Variants in FRMD4A observed in about 807,000 individuals in gnomAD.
FRMD4A encodes the protein FERM domain containing 4A, also known as FERM domain-containing protein 4A.
FRMD4A carries 29 observed loss-of-function variants against 129.1 expected under a neutral mutation model. The observed-to-expected ratio is 0.22, with a 90% CI of 0.17 to 0.31. The LOEUF (loss-of-function observed/expected upper bound fraction) is 0.31. Among genes scored for constraint, FRMD4A ranks in the 10% least tolerant of loss-of-function variants. The pLI is 1.00. For synonymous variants in FRMD4A, 634 were observed against 571.6 expected, an observed-to-expected ratio of 1.11 and a Z score of -1.56; for missense variants, 1,272 against 1,375.8, an observed-to-expected ratio of 0.92 and a Z score of 1.19.
At chr10:14,296,086 G>A (rs1048373202) in intron 2 of FRMD4A, among the ~76,000 whole-genome samples, 3 of 151,686 alleles carry the variant, frequency 2.0e-5, no homozygotes, top group South Asian at 2.1e-4. Context: ...CTCGCCTGGC[G>A]ACGGGGGGTC....
chr10:14,094,286 G>A (rs537143095), intron 2 of FRMD4A, among the ~76,000 whole-genome samples: 10 of 152,342 alleles, frequency 6.6e-5, no homozygotes, highest in African/African-American at 1.2e-4. Context: ...TAGAGAAAGG[G>A]TGCGTGGAAT....
intron 24 of FRMD4A, chr10:13,649,769 G>C (rs941142259): frequency 1.3e-5 from 2 of 152,174 alleles, no homozygotes; most frequent in African/African-American, 4.8e-5. Context: ...CAATTTTCCG[G>C]TAGTAGTCAA....
intron 2 of FRMD4A, among the ~76,000 whole-genome samples, chr10:14,003,113 C>T (rs765809987): frequency 3.3e-5 from 5 of 151,950 alleles, no homozygotes; most frequent in African/African-American, 7.3e-5. Context: ...CAGCACAGAG[C>T]GTGAATTGAG....
intron 2 of FRMD4A, among the ~76,000 whole-genome samples, chr10:13,929,165 C>T (rs1226536888): frequency 1.3e-5 from 2 of 152,206 alleles, no homozygotes; most frequent in Non-Finnish European, 2.9e-5. Flanking sequence ...TTAAATTAAG[C>T]TGCCACTTGA....
intron 2 of FRMD4A, among the ~76,000 whole-genome samples, chr10:14,110,305 C>G (rs2131793121): frequency 6.6e-6 from 1 of 150,584 alleles, no homozygotes; most frequent in African/African-American, 2.4e-5. Flanking sequence ...TTTAGAAGAT[C>G]AAATAAGGAG....
rs1001252244 is a variant in FRMD4A at position 14,232,250 on chromosome 10, CT to C, written c.45+97807del. ...AGATTGGATGGTTGTACATTTGCAG[CT>C]TTTTTTCTTGGTTCTGTATCCTGTT... On this transcript the variant is annotated intron_variant, in intron 2 of 24. Coordinates refer to ENST00000357447, the MANE Select transcript of FRMD4A (RefSeq NM_018027.5). 9.2e-5 allele frequency among the ~76,000 whole-genome samples: 14 copies of C among 152,208 alleles called. No individual in the cohort carries two copies. The South Asian group carries it at 2.7e-3, about 29-fold the overall frequency.
intron 2 of FRMD4A, among the ~76,000 whole-genome samples, chr10:14,149,075 A>G (rs1262758054): frequency 6.6e-6 from 1 of 152,208 alleles, no homozygotes; most frequent in Non-Finnish European, 1.5e-5. Flanking sequence ...ACCCATAAAC[A>G]TCATGAATGA....
chr10:14,302,937 A>G (rs921188874), intron 2 of FRMD4A, among the ~76,000 whole-genome samples: 1 of 152,202 alleles, frequency 6.6e-6, no homozygotes, highest in Non-Finnish European at 1.5e-5. Context: ...CTCTTCAGAA[A>G]AAAATGACTT....
At chr10:14,054,522 C>T (rs117692888) in intron 2 of FRMD4A, among the ~76,000 whole-genome samples, 3,831 of 152,232 alleles carry the variant, frequency 0.025, 77 homozygotes, top group Non-Finnish European at 0.039. Flanking sequence ...AATTTCTCTA[C>T]GAGTGTGGAT....
At chr10:13,814,989 G>T (rs1048038011) in intron 3 of FRMD4A, among the ~76,000 whole-genome samples, 3 of 152,084 alleles carry the variant, frequency 2.0e-5, no homozygotes, top group African/African-American at 7.2e-5. Context: ...AGAAATGGAG[G>T]CTTGGGGTTA....
At chr10:13,756,880 A>C (rs1044893578) in intron 8 of FRMD4A, among the ~76,000 whole-genome samples, 14 of 152,192 alleles carry the variant, frequency 9.2e-5, no homozygotes, top group Admixed American at 5.2e-4. Flanking sequence ...TTAAATTAGA[A>C]TATAACTAGA....
chr10:13,880,871 T>C (rs916950343), intron 2 of FRMD4A, among the ~76,000 whole-genome samples: 1 of 152,068 alleles, frequency 6.6e-6, no homozygotes, highest in African/African-American at 2.4e-5. Flanking sequence ...TACCAGCTTC[T>C]AGCATCCTCT....
chr10:14,158,557 A>G lies in FRMD4A; in HGVS notation c.45+171501T>C, dbSNP rs185848163. ...AGCCCAGGAGTTAGAGGCTACAGAGAGCAATAGTCATGCCACAGCTTTCTG... is the reference window on the plus strand; with the variant it reads ...AGCCCAGGAGTTAGAGGCTACAGAGGGCAATAGTCATGCCACAGCTTTCTG... On this transcript the variant is annotated intron_variant, in intron 2 of 24. Transcript: ENST00000357447. 2.3e-4 allele frequency among the ~76,000 whole-genome samples: 35 copies of G among 152,170 alleles called. No individual in the cohort carries two copies. In the East Asian group the frequency reaches 5.6e-3, roughly 24 times the overall value.
In FRMD4A at chr10:13,983,727, C is replaced by T. The variant is rs542978552; in HGVS notation, c.46-124815G>A. Among the ~76,000 whole-genome samples the T allele has an allele frequency of 5.4e-4, 82 of 151,934 alleles. 2 individuals are homozygous for T. The South Asian group carries it at 0.017, about 31-fold the overall frequency. On this transcript the variant is annotated intron_variant, in intron 2 of 24. Coordinates refer to ENST00000357447, the MANE Select transcript of FRMD4A (RefSeq NM_018027.5). ...TTCTTAATAAACTGGGGGCCGGGCG[C>T]GGTGGCTCATGCCTGTAATCCCAGC...
chr10:14,182,332 T>C (rs747689419), intron 2 of FRMD4A, among the ~76,000 whole-genome samples: 21 of 152,270 alleles, frequency 1.4e-4, no homozygotes, highest in Admixed American at 4.6e-4. Flanking sequence ...TTGGGGCCAG[T>C]AGTTCAAGAC....
At chr10:14,168,012 C>A (rs1158746557) in intron 2 of FRMD4A, among the ~76,000 whole-genome samples, 1 of 152,166 alleles carries the variant, frequency 6.6e-6, no homozygotes, top group Non-Finnish European at 1.5e-5. Context: ...GTCGGGATTT[C>A]TGGAAGAGAG....
rs371504773 is a variant in FRMD4A, at chr10:14,093,645, C to T, written c.46-234733G>A. Among the ~76,000 whole-genome samples, 8 of 152,254 alleles carry T rather than the reference C, an allele frequency of 5.3e-5. No homozygotes were observed. The East Asian group carries it at 5.8e-4, about 11-fold the overall frequency. On this transcript the variant is annotated intron_variant, in intron 2 of 24. Transcript: ENST00000357447. Reference sequence around the variant, plus strand: ...AGAAAATATGTTTATGGACAATAAACAAATGTCTTTGATTTCAACCATATT... The same window carrying T: ...AGAAAATATGTTTATGGACAATAAATAAATGTCTTTGATTTCAACCATATT...
chr10:13,701,534 C>G (rs1240859672), intron 13 of FRMD4A, 56 bp from the exon 14 acceptor site: 1 of 1,550,400 alleles, frequency 6.4e-7, no homozygotes, highest in East Asian at 2.3e-5. Context: ...GAAACCATTT[C>G]TCAGTCAACA....
intron 5 of FRMD4A, among the ~76,000 whole-genome samples, chr10:13,784,485 T>C (rs1264743465): frequency 6.6e-6 from 1 of 152,226 alleles, no homozygotes; most frequent in Non-Finnish European, 1.5e-5. Context: ...TTTATAGTAA[T>C]TAATTTAAAA....
Sources: gnomAD v4.1 joint callset for allele counts (sites outside exome capture counted in the v4.1 genomes callset) on GRCh38, gnomAD v4.1.1 for gene constraint, MANE v1.5 for transcripts, NCBI Gene and HGNC (gene_info 2026-07-23, HGNC 2026-07-21) for gene names.